FERMT1: variants seen among roughly 807,000 people sequenced by gnomAD.
The protein encoded by FERMT1 is fermitin family homolog 1.
In FERMT1, 60 loss-of-function variants were observed where a neutral mutation model predicts 85.3. The ratio of observed to expected loss-of-function variants is 0.70; its 90% CI spans 0.57 to 0.87. The LOEUF (loss-of-function observed/expected upper bound fraction) is 0.87. Among genes scored for constraint, FERMT1 ranks in the 40% least tolerant of loss-of-function variants. The pLI, the probability that FERMT1 is intolerant of heterozygous loss-of-function variation, is 0.00. For missense variants in FERMT1, 701 were observed against 818.9 expected, an observed-to-expected ratio of 0.86 and a Z score of 1.76; for synonymous variants, 275 against 301.1, an observed-to-expected ratio of 0.91 and a Z score of 0.90.
chr20:6,121,651 AAT>A (rs1324848942), intron 1 of FERMT1, among the ~76,000 whole-genome samples: 1 of 152,174 alleles, frequency 6.6e-6, no homozygotes, highest in Non-Finnish European at 1.5e-5. Flanking sequence ...TCCTCTCAGC[AAT>A]CTCATTTAGA....
chr20:6,120,232 T>C (rs1983233769), intron 1 of FERMT1, among the ~76,000 whole-genome samples: 1 of 152,198 alleles, frequency 6.6e-6, no homozygotes, highest in Non-Finnish European at 1.5e-5. Context: ...TAAATACATA[T>C]AGATACAGGT....
intron 8 of FERMT1, 50 bp from the exon 9 acceptor site, chr20:6,095,038 C>T (rs537205246): frequency 3.0e-6 from 3 of 1,005,994 alleles, no homozygotes; most frequent in South Asian, 1.3e-5. Flanking sequence ...ATAAGTGATG[C>T]TGATACTCAA....
At chr20:6,101,236 C>T (rs1469886041) in intron 6 of FERMT1, among the ~76,000 whole-genome samples, 1 of 152,154 alleles carries the variant, frequency 6.6e-6, no homozygotes, top group African/African-American at 2.4e-5. Context: ...TCGTTTTGCC[C>T]TTTGATAAGC....
intron 6 of FERMT1, among the ~76,000 whole-genome samples, chr20:6,102,763 C>T (rs76020631): frequency 0.015 from 2,221 of 151,738 alleles, 72 homozygotes; most frequent in African/African-American, 0.05. Context: ...TCCACTCCTT[C>T]ACTCCTTGAA....
intron 14 of FERMT1, among the ~76,000 whole-genome samples, chr20:6,078,347 G>C (rs929828362): frequency 2.0e-5 from 3 of 152,252 alleles, no homozygotes; most frequent in African/African-American, 7.2e-5. Flanking sequence ...CTGAGAGGAA[G>C]TCAGGGTTCT....
At chr20:6,094,712 T>C (rs2123115080) in intron 9 of FERMT1, among the ~76,000 whole-genome samples, 1 of 152,292 alleles carries the variant, frequency 6.6e-6, no homozygotes, top group South Asian at 2.1e-4. Context: ...ATTCCCATTT[T>C]ATAGATTGGA....
chr20:6,090,333 A>G (rs1227530524), intron 9 of FERMT1, among the ~76,000 whole-genome samples: 1 of 152,060 alleles, frequency 6.6e-6, no homozygotes, highest in Admixed American at 6.5e-5. Flanking sequence ...TCGGCCTCCC[A>G]AAGTGCTGGG....
chr20:6,089,073 G>T lies in FERMT1; in HGVS notation c.1156C>A (p.Pro386Thr). The change falls in exon 10 of 15, where the codon CCA becomes ACA. Residue 386 changes from proline (P) to threonine (T), a missense_variant. By Grantham distance (38) the Pro-to-Thr change is conservative. Transcript: ENST00000217289. Reference protein sequence around the residue: ...LKLFRPKKLLPKAFKQYWFIF... With the variant: ...LKLFRPKKLLTKAFKQYWFIF... ...AACCAATATTGTTTGAAAGCTTTTG[G>T]TAGTAACTTCTTGGGCCTGCAAATT... 2 of 1,612,182 alleles carry T rather than the reference G, an allele frequency of 1.2e-6. No homozygotes were observed. The highest frequency in any genetic ancestry group is 1.7e-6 in the Non-Finnish European group (2 of 1,178,750).
Position 6,077,250 on chromosome 20 carries a change from A to G in FERMT1, c.1957T>C (p.Leu653=). The G allele has an allele frequency of 6.2e-7, 1 of 1,614,210 alleles. No homozygotes were observed. The highest frequency in any genetic ancestry group is 8.5e-7 in the Non-Finnish European group (1 of 1,180,048). The stretch of plus-strand genomic sequence containing the variant: ...TTCTGGTCCTTGGAGCGGGTGGACA[A>G]GAAAATGTAGCCGCCAATGTACTCG... ...VHEYIGGYIF[L]STRSKDQNET... Residue 653 remains leucine (L), a synonymous_variant, in exon 15 of 15, where the codon TTG becomes CTG. Transcript: ENST00000217289.
Position 6,075,835 on chromosome 20 carries a change from A to C in FERMT1, c.*1338T>G, listed in dbSNP as rs541027450. 130 of 152,380 alleles carry C rather than the reference A, an allele frequency of 8.5e-4. No individual in the cohort carries two copies. Among genetic ancestry groups the C allele is most frequent in the Non-Finnish European group, 1.6e-3 (107 of 68,050 alleles). 9.4% of individuals were successfully genotyped at this position (152,380 alleles called of 1,614,324 possible). A position where few individuals can be genotyped will look rare whatever the true frequency, so the allele number is the denominator to read the frequency against. On this transcript the variant is annotated 3_prime_UTR_variant, in exon 15 of 15. Coordinates refer to ENST00000217289, the MANE Select transcript of FERMT1 (RefSeq NM_017671.5). ...GTGGCAGAACATCTATGAAAAAATA[A>C]TAAAATATTGTCTGATATTTCCCTT...
chr20:6,097,433 C>T, intron 7 of FERMT1, 91 bp downstream of exon 7: 1 of 892,082 alleles, frequency 1.1e-6, no homozygotes, highest in Non-Finnish European at 1.9e-6. Context: ...CTTCAAAGAA[C>T]AAAAAAAAAC....
intron 2 of FERMT1, among the ~76,000 whole-genome samples, chr20:6,118,461 CTT>C: frequency 6.6e-6 from 1 of 152,086 alleles, no homozygotes; most frequent in East Asian, 1.9e-4. Context: ...GGTTACAAGA[CTT>C]TGTGAAAATC....
intron 5 of FERMT1, among the ~76,000 whole-genome samples, chr20:6,109,761 C>T (rs1982893816): frequency 6.6e-6 from 1 of 152,080 alleles, no homozygotes. Context: ...TTTAGCTGGG[C>T]ATGGTGGCGC....
At chr20:6,115,480 C>G (rs1345687029) in intron 3 of FERMT1, among the ~76,000 whole-genome samples, 1 of 152,164 alleles carries the variant, frequency 6.6e-6, no homozygotes, top group Non-Finnish European at 1.5e-5. Flanking sequence ...TAATACAACT[C>G]TTTAAATCTT....
At chr20:6,110,777 A>T (rs994405808) in intron 4 of FERMT1, among the ~76,000 whole-genome samples, 13 of 152,178 alleles carry the variant, frequency 8.5e-5, no homozygotes, top group African/African-American at 2.9e-4. Context: ...AAACAAACAA[A>T]CAAACAAAAC....
At chr20:6,108,064 C>A (rs182898330) in intron 5 of FERMT1, among the ~76,000 whole-genome samples, 36 of 152,274 alleles carry the variant, frequency 2.4e-4, no homozygotes, top group South Asian at 2.3e-3. Flanking sequence ...GGGGGTTTTG[C>A]CATGTTGGCC....
chr20:6,097,659 T>A, intron 6 of FERMT1, 28 bp from the exon 7 acceptor site: 1 of 1,397,874 alleles, frequency 7.2e-7, no homozygotes, highest in African/African-American at 1.4e-5. Flanking sequence ...GGTGTGTGTG[T>A]AATGAGGTAT....
At chr20:6,110,932 CCT>C (rs1277419851) in intron 4 of FERMT1, among the ~76,000 whole-genome samples, 4 of 152,104 alleles carry the variant, frequency 2.6e-5, no homozygotes, top group African/African-American at 9.7e-5. Flanking sequence ...TTGGGGACCA[CCT>C]CTTTTCTTTC....
intron 5 of FERMT1, 112 bp from the exon 6 acceptor site, chr20:6,107,746 GGTAT>G (rs1982838738): frequency 1.6e-6 from 1 of 629,384 alleles, no homozygotes; most frequent in Non-Finnish European, 2.9e-6. Flanking sequence ...ACAAAATCAG[GGTAT>G]GTAATACAGA....
Sources: allele counts gnomAD v4.1 joint callset (sites outside exome capture counted in the v4.1 genomes callset), GRCh38; gene constraint gnomAD v4.1.1; transcripts MANE v1.5; gene names NCBI Gene and HGNC (gene_info 2026-07-23, HGNC 2026-07-21).